TBC1D31: variants seen among roughly 807,000 people sequenced by gnomAD.
TBC1D31 encodes WD repeat domain 67.
A neutral mutation model predicts 132.9 loss-of-function variants in TBC1D31; 99 were observed. The observed-to-expected ratio is 0.74, with a 90% CI of 0.63 to 0.88. TBC1D31 has a LOEUF of 0.88. TBC1D31 is among the 40% of genes least tolerant of loss of function. The pLI, the probability that TBC1D31 is intolerant of heterozygous loss-of-function variation, is 0.00. For missense variants in TBC1D31, 1,134 were observed against 1,256.6 expected, an observed-to-expected ratio of 0.90 and a Z score of 1.48; for synonymous variants, 385 against 419.4, an observed-to-expected ratio of 0.92 and a Z score of 1.00.
chr8:123,115,394 A>T (rs969701760), intron 10 of TBC1D31, among the ~76,000 whole-genome samples: 5 of 152,348 alleles, frequency 3.3e-5, no homozygotes, highest in African/African-American at 9.6e-5. Flanking sequence ...TCCTAGGCTC[A>T]GTAATGAAGC....
intron 5 of TBC1D31, 59 bp from the exon 6 acceptor site, chr8:123,097,223 G>C: frequency 6.3e-7 from 1 of 1,581,020 alleles, no homozygotes; most frequent in East Asian, 2.2e-5. Context: ...AGTTCTGTCG[G>C]ACAGTGCTGC....
the TBC1D31 span, among the ~76,000 whole-genome samples, chr8:123,163,132 T>C: frequency 6.6e-6 from 1 of 151,026 alleles, no homozygotes; most frequent in African/African-American, 2.4e-5. Flanking sequence ...GCCCATTGGG[T>C]ATATTTTTAA....
the TBC1D31 span, among the ~76,000 whole-genome samples, chr8:123,164,597 C>A: frequency 6.6e-6 from 1 of 152,042 alleles, no homozygotes; most frequent in Non-Finnish European, 1.5e-5. Flanking sequence ...TGGCATGTGC[C>A]TGTAATCCTA....
the TBC1D31 span, among the ~76,000 whole-genome samples, chr8:123,159,268 G>GAA: frequency 4.5e-4 from 42 of 93,922 alleles, 1 homozygote; most frequent in African/African-American, 8.7e-4. Flanking sequence ...ATTTGAACAG[G>GAA]AAAAAAAAAA....
At chr8:123,076,304 T>A (rs997146261) in intron 1 of TBC1D31, among the ~76,000 whole-genome samples, 1 of 150,226 alleles carries the variant, frequency 6.7e-6, no homozygotes, top group Non-Finnish European at 1.5e-5. Context: ...TTGGTTTTGA[T>A]TTTTCTTCTT....
At chr8:123,095,801 T>C (rs1021245154) in intron 5 of TBC1D31, among the ~76,000 whole-genome samples, 2 of 152,166 alleles carry the variant, frequency 1.3e-5, no homozygotes, top group East Asian at 3.8e-4. Flanking sequence ...CTGGGTTCTT[T>C]TTTGGGAAAT....
At chr8:123,137,577 A>G (rs533126468) in intron 17 of TBC1D31, among the ~76,000 whole-genome samples, 17 of 152,342 alleles carry the variant, frequency 1.1e-4, no homozygotes, top group Admixed American at 3.3e-4. Context: ...ATGTAAGACT[A>G]TTGCCTACCA....
intron 20 of TBC1D31, 103 bp downstream of exon 20, chr8:123,144,958 C>T (rs1034102718): frequency 2.7e-5 from 29 of 1,090,926 alleles, no homozygotes; most frequent in Non-Finnish European, 3.4e-5. Context: ...GGGTCTTGTT[C>T]TGTCACCCAA....
In TBC1D31 at chr8:123,109,373, TG is replaced by T. The variant is rs763600031; in HGVS notation, c.1268del (p.Gly423ValfsTer29). The T allele has an allele frequency of 6.2e-7, 1 of 1,610,512 alleles. No homozygotes were observed. Among genetic ancestry groups the T allele is most frequent in the East Asian group, 2.2e-5 (1 of 44,824 alleles). The stretch of plus-strand genomic sequence containing the variant: ...GTTTACAAATCTTATTAAAAGGCTA[TG>T]GTGAATATCCAACAAAATACAGGTA... ...KRLQILLKGY[G>X]EYPTKYRMFI... On this transcript the variant is annotated frameshift_variant, in exon 9 of 22. Coordinates refer to ENST00000287380, the MANE Select transcript of TBC1D31 (RefSeq NM_145647.4). LOFTEE classifies it high-confidence loss of function.
chr8:123,084,460 A>T, intron 4 of TBC1D31, 120 bp downstream of exon 4: 1 of 980,310 alleles, frequency 1.0e-6, no homozygotes. Flanking sequence ...GTAACTCAGC[A>T]ACAAGCAAAG....
In TBC1D31 at chr8:123,120,440, G is replaced by A. The variant is rs547139357; in HGVS notation, c.1570+252G>A. The stretch of plus-strand genomic sequence containing the variant: ...TAATCCCAGCACTTTGGGAGGCTGA[G>A]GCAGGCGGATCACCTGAGGTCAGGA... On this transcript the variant is annotated intron_variant, in intron 11 of 21. Coordinates refer to ENST00000287380, the MANE Select transcript of TBC1D31 (RefSeq NM_145647.4). Among the ~76,000 whole-genome samples the A allele has an allele frequency of 5.9e-5, 9 of 152,356 alleles. No homozygotes were observed. The South Asian group carries it at 8.3e-4, about 14-fold the overall frequency.
chr8:123,131,958 C>A (rs1820673427), intron 16 of TBC1D31, among the ~76,000 whole-genome samples: 1 of 152,092 alleles, frequency 6.6e-6, no homozygotes, highest in South Asian at 2.1e-4. Context: ...TATCATTTGT[C>A]CATCTTTTTG....
At chr8:123,112,003 G>C (rs1396045875) in intron 10 of TBC1D31, among the ~76,000 whole-genome samples, 1 of 152,058 alleles carries the variant, frequency 6.6e-6, no homozygotes, top group Admixed American at 6.6e-5. Context: ...GGTATGCACC[G>C]CCATGCCTGG....
intron 2 of TBC1D31, among the ~76,000 whole-genome samples, chr8:123,082,036 G>A (rs77771374): frequency 6.6e-6 from 1 of 152,276 alleles, no homozygotes; most frequent in East Asian, 1.9e-4. Flanking sequence ...TGTAGCCCAC[G>A]TTGTATTTCT....
intron 4 of TBC1D31, among the ~76,000 whole-genome samples, chr8:123,090,768 T>G (rs1217052597): frequency 6.6e-6 from 1 of 151,916 alleles, no homozygotes; most frequent in Admixed American, 6.6e-5. Flanking sequence ...CTGGCCAACA[T>G]AGTGAAACCC....
At chr8:123,090,287 T>C (rs1816201420) in intron 4 of TBC1D31, among the ~76,000 whole-genome samples, 1 of 152,210 alleles carries the variant, frequency 6.6e-6, no homozygotes, top group Non-Finnish European at 1.5e-5. Flanking sequence ...TATCACATAG[T>C]TTAGGAGAGA....
rs999337072 is a variant in TBC1D31, at chr8:123,100,925, A to G, written c.950A>G (p.His317Arg). 1.9e-6 allele frequency: 3 copies of G among 1,614,052 alleles called. No homozygotes were observed. Among genetic ancestry groups the G allele is most frequent in the Admixed American group, 1.7e-5 (1 of 60,018 alleles). Residue 317 changes from histidine to arginine, a missense_variant, in exon 7 of 22, where the codon CAT becomes CGT. By Grantham distance (29) the His-to-Arg change is conservative. Transcript: ENST00000287380. ...EGISSSAISP[H>R]GRYIASIMEN... ...ATTAGCTCATCAGCAATTAGCCCAC[A>G]TGGACGGTACATTGCATCTATTATG...
intron 11 of TBC1D31, chr8:123,123,100 T>C (rs1321137104): frequency 1.3e-5 from 2 of 152,202 alleles, no homozygotes; most frequent in Non-Finnish European, 1.5e-5. Flanking sequence ...GAAAAAGAAC[T>C]AAACACTGGC....
At chr8:123,111,627 A>C (rs1818446433) in intron 10 of TBC1D31, among the ~76,000 whole-genome samples, 1 of 152,126 alleles carries the variant, frequency 6.6e-6, no homozygotes, top group Non-Finnish European at 1.5e-5. Flanking sequence ...GATTTCTAAC[A>C]GCATTGACAT....
Sources: allele counts gnomAD v4.1 joint callset (sites outside exome capture counted in the v4.1 genomes callset), GRCh38; gene constraint gnomAD v4.1.1; transcripts MANE v1.5; gene names NCBI Gene and HGNC (gene_info 2026-07-23, HGNC 2026-07-21).